CTXND1: variants seen among roughly 807,000 people sequenced by gnomAD.
CTXND1 encodes cortexin domain-containing 1 protein.
intron 1 of CTXND1, among the ~76,000 whole-genome samples, chr15:80,204,262 A>G (rs1487306437): frequency 2.0e-5 from 3 of 149,480 alleles, no homozygotes; most frequent in Non-Finnish European, 4.4e-5. Context: ...AAATGTGACC[A>G]CATACACATA....
intron 2 of CTXND1, among the ~76,000 whole-genome samples, chr15:80,202,748 G>A (rs908315389): frequency 6.6e-6 from 1 of 152,198 alleles, no homozygotes; most frequent in Admixed American, 6.5e-5. Flanking sequence ...CCCCTTCCCT[G>A]CTGCAGGTCC....
At position 80,238,633 on chromosome 15, in the gene CTXND1, C is replaced by T. The variant is rs568289280; in HGVS notation, c.-218+13374G>A. Among the ~76,000 whole-genome samples, 8 of 152,002 alleles carry T rather than the reference C, an allele frequency of 5.3e-5. 1 individual carries two copies. The South Asian group carries it at 1.0e-3, about 20-fold the overall frequency. On this transcript the variant is annotated intron_variant, in intron 1 of 2. Coordinates refer to ENST00000560778, the MANE Select transcript of CTXND1 (RefSeq NM_001352888.2). ...CCGAGTAGCTAGGACTACAGGTGCC[C>T]GCCTCCACGCCCAGCTAATTTTTAG...
At chr15:80,212,215 C>T (rs898562547) in intron 1 of CTXND1, among the ~76,000 whole-genome samples, 2 of 152,220 alleles carry the variant, frequency 1.3e-5, no homozygotes, top group Non-Finnish European at 2.9e-5. Context: ...CCTTCTAGCC[C>T]TGCTTCCTCC....
At chr15:80,204,647 GTATA>G (rs35359063) in intron 1 of CTXND1, among the ~76,000 whole-genome samples, 32,943 of 131,166 alleles carry the variant, frequency 0.25, 4,329 homozygotes, top group Admixed American at 0.33. Flanking sequence ...ATATTCCATT[GTATA>G]TATATATATA....
chr15:80,213,880 A>G (rs1207302124), intron 1 of CTXND1, among the ~76,000 whole-genome samples: 1 of 152,212 alleles, frequency 6.6e-6, no homozygotes, highest in Non-Finnish European at 1.5e-5. Flanking sequence ...CCTGTCTGAG[A>G]TACGCAAAAA....
intron 1 of CTXND1, among the ~76,000 whole-genome samples, chr15:80,232,247 T>G (rs1893439567): frequency 6.6e-6 from 1 of 152,132 alleles, no homozygotes; most frequent in African/African-American, 2.4e-5. Context: ...AACCCTTGGC[T>G]TCTGCATACC....
intron 1 of CTXND1, among the ~76,000 whole-genome samples, chr15:80,210,991 G>T (rs1893197948): frequency 6.6e-6 from 1 of 152,172 alleles, no homozygotes; most frequent in South Asian, 2.1e-4. Context: ...CCTCCTAAAA[G>T]CCCTATCTTC....
intron 1 of CTXND1, among the ~76,000 whole-genome samples, chr15:80,238,308 T>C (rs1893525951): frequency 6.6e-6 from 1 of 152,186 alleles, no homozygotes; most frequent in East Asian, 1.9e-4. Flanking sequence ...ACCTTTTCTA[T>C]GTTTAGATAT....
In CTXND1 at chr15:80,196,501, G is replaced by A. The variant is rs1041157177; in HGVS notation, c.*5269C>T. On this transcript the variant is annotated 3_prime_UTR_variant, in exon 3 of 3. Coordinates refer to ENST00000560778, the MANE Select transcript of CTXND1 (RefSeq NM_001352888.2). The stretch of plus-strand genomic sequence containing the variant: ...GGGCCTCATGACCAGCCACAGAAGG[G>A]GGCACTAGCAGTTGTGCTTTACAGG... 1 of 152,200 alleles carries A rather than the reference G, an allele frequency of 6.6e-6. No individual in the cohort carries two copies. The highest frequency in any genetic ancestry group is 2.4e-5 in the African/African-American group (1 of 41,426). 9.4% of individuals were successfully genotyped at this position (152,200 alleles called of 1,614,324 possible).
At chr15:80,231,643 G>A (rs368722086) in intron 1 of CTXND1, among the ~76,000 whole-genome samples, 10 of 152,272 alleles carry the variant, frequency 6.6e-5, no homozygotes, top group Middle Eastern at 3.4e-3. Context: ...TGATTGTCAG[G>A]AATGGACTAT....
intron 1 of CTXND1, among the ~76,000 whole-genome samples, chr15:80,206,508 A>G (rs1893148429): frequency 6.6e-6 from 1 of 151,728 alleles, no homozygotes; most frequent in African/African-American, 2.4e-5. Flanking sequence ...AAGTAAATAT[A>G]CTCATTTTAT....
At chr15:80,221,062 C>T (rs186486640) in intron 1 of CTXND1, among the ~76,000 whole-genome samples, 1 of 151,952 alleles carries the variant, frequency 6.6e-6, no homozygotes, top group Non-Finnish European at 1.5e-5. Context: ...GCACCCGCCA[C>T]CACGCTCGAC....
intron 1 of CTXND1, among the ~76,000 whole-genome samples, chr15:80,208,365 AAAG>A (rs1893172067): frequency 6.6e-6 from 1 of 152,230 alleles, no homozygotes; most frequent in Admixed American, 6.5e-5. Context: ...TGTAAAATAA[AAAG>A]AAACTATAAA....
chr15:80,224,581 C>T (rs1284310873), intron 1 of CTXND1, among the ~76,000 whole-genome samples: 1 of 152,128 alleles, frequency 6.6e-6, no homozygotes, highest in East Asian at 1.9e-4. Context: ...TATCAATTTC[C>T]ACAAAACATA....
intron 1 of CTXND1, among the ~76,000 whole-genome samples, chr15:80,213,347 C>T (rs557733705): frequency 6.6e-6 from 1 of 152,098 alleles, no homozygotes; most frequent in African/African-American, 2.4e-5. Context: ...AATGGCCTCC[C>T]AGAAGTTCAC....
intron 1 of CTXND1, among the ~76,000 whole-genome samples, chr15:80,251,347 GA>G (rs1428043263): frequency 1.1e-4 from 16 of 152,326 alleles, no homozygotes; most frequent in African/African-American, 3.6e-4. Context: ...TGAAAGCGTG[GA>G]TTAGGGTTTT....
intron 1 of CTXND1, among the ~76,000 whole-genome samples, chr15:80,222,870 ATT>A (rs1449904160): frequency 2.6e-5 from 4 of 152,110 alleles, no homozygotes; most frequent in Non-Finnish European, 5.9e-5. Context: ...TCTTAGATAT[ATT>A]TGTTATAAAT....
chr15:80,227,491 G>T (rs1444549188), intron 1 of CTXND1, among the ~76,000 whole-genome samples: 1 of 151,930 alleles, frequency 6.6e-6, no homozygotes, highest in African/African-American at 2.4e-5. Context: ...GCTTATTATG[G>T]GGTCATACGT....
intron 1 of CTXND1, among the ~76,000 whole-genome samples, chr15:80,215,937 G>A (rs1893248001): frequency 6.6e-6 from 1 of 152,140 alleles, no homozygotes; most frequent in African/African-American, 2.4e-5. Context: ...CCACTTTCAA[G>A]GGTCCTGGGG....
Sources: gnomAD v4.1 joint callset for allele counts (sites outside exome capture counted in the v4.1 genomes callset) on GRCh38, gnomAD v4.1.1 for gene constraint, MANE v1.5 for transcripts, NCBI Gene and HGNC (gene_info 2026-07-23, HGNC 2026-07-21) for gene names.